ITGA8: variants seen among roughly 807,000 people sequenced by gnomAD.
ITGA8 encodes the protein integrin subunit alpha 8.
ITGA8 carries 91 observed loss-of-function variants against 142.3 expected under a neutral mutation model. The observed-to-expected ratio is 0.64, with a 90% CI of 0.54 to 0.76. ITGA8 has a LOEUF of 0.76. Ranked by LOEUF, ITGA8 falls within the 30% of genes least tolerant of loss-of-function variation. ITGA8 has a pLI of 0.00. For synonymous variants in ITGA8, 505 were observed against 485.2 expected (o/e 1.04, Z -0.54); for missense variants, 1,406 against 1,327.7 (o/e 1.06, Z -0.92).
intron 6 of ITGA8, among the ~76,000 whole-genome samples, chr10:15,672,954 C>T (rs1191012124): frequency 6.6e-6 from 1 of 152,182 alleles, no homozygotes; most frequent in Admixed American, 6.5e-5. Flanking sequence ...AGATGAACTA[C>T]AATATTTTAT....
At chr10:15,640,320 C>T (rs1245450445) in intron 13 of ITGA8, among the ~76,000 whole-genome samples, 2 of 152,196 alleles carry the variant, frequency 1.3e-5, no homozygotes, top group African/African-American at 2.4e-5. Flanking sequence ...TCAGATTTCC[C>T]AGCCACATTG....
At chr10:15,697,390 C>T (rs147071361) in intron 2 of ITGA8, among the ~76,000 whole-genome samples, 7 of 152,276 alleles carry the variant, frequency 4.6e-5, no homozygotes, top group Admixed American at 2.0e-4. Flanking sequence ...CATTACGGCA[C>T]GTTTTGACAC....
intron 6 of ITGA8, among the ~76,000 whole-genome samples, chr10:15,675,083 T>C (rs1834602308): frequency 6.6e-6 from 1 of 152,222 alleles, no homozygotes; most frequent in Non-Finnish European, 1.5e-5. Flanking sequence ...GCCCAAATTA[T>C]AGAATCTTCT....
chr10:15,694,038 A>C (rs1394632754), intron 2 of ITGA8, among the ~76,000 whole-genome samples: 1 of 149,720 alleles, frequency 6.7e-6, no homozygotes, highest in African/African-American at 2.4e-5. Flanking sequence ...CAACTACATG[A>C]AGGTCAATGG....
chr10:15,664,361 A>G (rs918681287), intron 8 of ITGA8, among the ~76,000 whole-genome samples: 1 of 152,166 alleles, frequency 6.6e-6, no homozygotes, highest in Admixed American at 6.5e-5. Context: ...TAAAAGAAAA[A>G]TGTTCTTTCA....
chr10:15,660,999 G>T (rs1172965769), intron 8 of ITGA8, 77 bp from the exon 9 acceptor site: 4 of 1,314,778 alleles, frequency 3.0e-6, no homozygotes, highest in Non-Finnish European at 4.4e-6. Flanking sequence ...TATACTAAAA[G>T]TGGTAAAGAC....
At chr10:15,640,238 C>T (rs1013519455) in intron 13 of ITGA8, among the ~76,000 whole-genome samples, 5 of 152,280 alleles carry the variant, frequency 3.3e-5, no homozygotes, top group Middle Eastern at 3.4e-3. Flanking sequence ...TCCACGGGAC[C>T]GACCTGGGTG....
chr10:15,517,052 G>C lies in ITGA8; in HGVS notation c.*106C>G. On this transcript the variant is annotated 3_prime_UTR_variant, in exon 30 of 30. Coordinates refer to ENST00000378076, the MANE Select transcript of ITGA8 (RefSeq NM_003638.3). ...TTTCCAGGGTCCCCTCCATTTCCTG[G>C]GTCACTGTCAGGTATCAGAAAGCTT... 2.8e-6 allele frequency: 2 copies of C among 707,254 alleles called. No homozygotes were observed. Among genetic ancestry groups the C allele is most frequent in the Admixed American group, 3.2e-5 (1 of 31,058 alleles). The allele number at this position is 707,254 out of a possible 1,614,324, so 43.8% of individuals were successfully genotyped here.
chr10:15,618,171 C>G (rs1050826531), intron 13 of ITGA8, among the ~76,000 whole-genome samples: 10 of 152,106 alleles, frequency 6.6e-5, no homozygotes, highest in African/African-American at 2.4e-4. Context: ...GCCTAAACCC[C>G]TTTATGCAAT....
chr10:15,686,559 T>C (rs1180982449), intron 3 of ITGA8, among the ~76,000 whole-genome samples: 1 of 152,238 alleles, frequency 6.6e-6, no homozygotes, highest in African/African-American at 2.4e-5. Context: ...TGAAACATAC[T>C]GATGGGACAT....
chr10:15,534,737 A>G (rs927007993), intron 27 of ITGA8, among the ~76,000 whole-genome samples: 2 of 152,028 alleles, frequency 1.3e-5, no homozygotes, highest in South Asian at 2.1e-4. Context: ...CACCTCCTCA[A>G]TCTAATTGGT....
At position 15,605,810 on chromosome 10, in the gene ITGA8, C is replaced by T. The variant is rs758809788; in HGVS notation, c.1903-19G>A. 2.7e-5 allele frequency: 44 copies of T among 1,609,256 alleles called. No individual in the cohort carries two copies. The highest frequency in any genetic ancestry group is 1.7e-4 in the Admixed American group (10 of 59,880). ...TGTGAGCCTGTGTTGTATAAACGCA[C>T]GTCAGGAACAATCTAGGAAAATCTG... On this transcript the variant is annotated intron_variant, in intron 18 of 29. Transcript: ENST00000378076.
intron 27 of ITGA8, among the ~76,000 whole-genome samples, chr10:15,546,854 GGGGAAGGGAAATGAA>G (rs538778726): frequency 0.054 from 8,153 of 150,998 alleles, 719 homozygotes; most frequent in African/African-American, 0.19. Context: ...AGGGAAATGA[GGGGAAGGGAAATGAA>G]GGGAAGGGAA....
intron 27 of ITGA8, among the ~76,000 whole-genome samples, chr10:15,531,869 T>C (rs7076014): frequency 0.95 from 144,748 of 151,982 alleles, 69,271 homozygotes; most frequent in Non-Finnish European, 1. Context: ...CGCTTGAACC[T>C]GGGGGGCGCA....
intron 15 of ITGA8, 78 bp downstream of exon 15, chr10:15,613,582 T>A (rs1833339267): frequency 1.9e-6 from 2 of 1,047,856 alleles, no homozygotes; most frequent in Non-Finnish European, 3.0e-6. Context: ...ACTTACTGAA[T>A]CCAAATCTGT....
chr10:15,701,556 G>A (rs191944798), intron 2 of ITGA8, among the ~76,000 whole-genome samples: 87 of 152,242 alleles, frequency 5.7e-4, no homozygotes, highest in East Asian at 1.5e-3. Flanking sequence ...TGGTGGACAC[G>A]TGGGCTGTAA....
chr10:15,617,171 A>T (rs1215742185), intron 13 of ITGA8, among the ~76,000 whole-genome samples: 1 of 152,204 alleles, frequency 6.6e-6, no homozygotes, highest in Non-Finnish European at 1.5e-5. Context: ...CTTTTAAAGG[A>T]TTTCCTTTGA....
intron 27 of ITGA8, among the ~76,000 whole-genome samples, chr10:15,533,197 C>T (rs367798379): frequency 7.7e-4 from 117 of 152,230 alleles, no homozygotes; most frequent in African/African-American, 2.1e-3. Flanking sequence ...ATTAGATAAA[C>T]GCTTTTTTCC....
At chr10:15,566,953 T>C (rs1834091667) in intron 25 of ITGA8, among the ~76,000 whole-genome samples, 1 of 145,920 alleles carries the variant, frequency 6.9e-6, no homozygotes, top group South Asian at 2.2e-4. Flanking sequence ...AGGTCAAGGG[T>C]TCGAGACCAG....
Sources: gnomAD v4.1 joint callset for allele counts (sites outside exome capture counted in the v4.1 genomes callset) on GRCh38, gnomAD v4.1.1 for gene constraint, MANE v1.5 for transcripts, NCBI Gene and HGNC (gene_info 2026-07-23, HGNC 2026-07-21) for gene names.